Variants in WDR33 observed in about 807,000 individuals in gnomAD.
WDR33 encodes the protein pre-mRNA 3' end processing protein WDR33.
In WDR33, 47 loss-of-function variants were observed where a neutral mutation model predicts 164.9. That is an observed-to-expected ratio of 0.29 (90% CI 0.23 to 0.36). The LOEUF (loss-of-function observed/expected upper bound fraction) is 0.36, where lower values mean the gene tolerates loss of function less well. WDR33 is among the 10% of genes least tolerant of loss of function. The pLI, the probability that WDR33 is intolerant of heterozygous loss-of-function variation, is 1.00. For synonymous variants in WDR33, 505 were observed against 589.0 expected (o/e 0.86, Z 2.06); for missense variants, 1,137 against 1,754.1 (o/e 0.65, Z 6.28).
At chr2:127,730,060 G>A (rs1686665916) in intron 7 of WDR33, among the ~76,000 whole-genome samples, 1 of 152,080 alleles carries the variant, frequency 6.6e-6, no homozygotes, top group African/African-American at 2.4e-5. Flanking sequence ...TAGGTAGCTT[G>A]GGACACAAGG....
rs145850509 is a variant in WDR33 at position 127,723,037 on chromosome 2, G to A, written c.1299C>T (p.Leu433=). The change falls in exon 13 of 22, where the codon CTC becomes CTT. Residue 433 remains leucine, a synonymous_variant. Transcript: ENST00000322313. The surrounding 1 kb of genome is among the most constrained non-coding windows in gnomAD (Gnocchi z 5.9). ...GAATTACTGCCAGGCTATTAGGTTC[G>A]AGGTCATCTATAAATAGTAATACAC... ...MSEDGVEYDD[L]EPNSLAVIPG... 8.7e-6 allele frequency: 14 copies of A among 1,609,282 alleles called. No individual in the cohort carries two copies. Among genetic ancestry groups the A allele is most frequent in the African/African-American group, 8.0e-5 (6 of 74,656 alleles).
rs1276443689 is a variant in WDR33 at position 127,726,453 on chromosome 2, G to C, written c.851+198C>G. ...AAATTAAACTTAGGTCTATGTGGCA[G>C]GACAAAAACAAGCCTTACTTCATTA... On this transcript the variant is annotated intron_variant, in intron 8 of 21. Transcript: ENST00000322313. The surrounding 1 kb of genome is among the most constrained non-coding windows in gnomAD (Gnocchi z 4.8). Among the ~76,000 whole-genome samples the C allele has an allele frequency of 6.6e-6, 1 of 152,136 alleles. No homozygotes were observed. Among genetic ancestry groups the C allele is most frequent in the African/African-American group, 2.4e-5 (1 of 41,414 alleles).
intron 4 of WDR33, among the ~76,000 whole-genome samples, chr2:127,767,451 T>C (rs1479142766): frequency 6.6e-6 from 1 of 152,136 alleles, no homozygotes; most frequent in Non-Finnish European, 1.5e-5. Flanking sequence ...CGGTGGCTCA[T>C]GCCTGTAATC....
Position 127,701,844 on chromosome 2 carries a change from C to T in WDR33, c.*4479G>A. The stretch of plus-strand genomic sequence containing the variant: ...CGCACCGGTGTTGCTGCTGCGCGCG[C>T]GCAAGTTCGCGCTGCTCTGGTCACT... On this transcript the variant is annotated 3_prime_UTR_variant, in exon 22 of 22. Transcript: ENST00000322313. The T allele has an allele frequency of 6.9e-7, 1 of 1,458,726 alleles. No individual in the cohort carries two copies. Among genetic ancestry groups the T allele is most frequent in the Non-Finnish European group, 9.0e-7 (1 of 1,109,876 alleles). The allele number at this position is 1,458,726 out of a possible 1,614,324, so 90.4% of individuals were successfully genotyped here. A position where few individuals can be genotyped will look rare whatever the true frequency, so the allele number is the denominator to read the frequency against.
At chr2:127,707,229 T>TAA (rs200273049) in intron 21 of WDR33, among the ~76,000 whole-genome samples, 14,013 of 122,362 alleles carry the variant, frequency 0.11, 990 homozygotes, top group South Asian at 0.24. Context: ...AGAATATATT[T>TAA]AAAAAAAAAA....
rs1271063472 is a variant in WDR33, at chr2:127,704,207, G to A, written c.*2116C>T. 6.0e-6 allele frequency: 1 copy of A among 166,362 alleles called. No homozygotes were observed. The highest frequency in any genetic ancestry group is 1.9e-4 in the East Asian group (1 of 5,202). The allele number at this position is 166,362 out of a possible 1,614,324, so 10.3% of individuals were successfully genotyped here. On this transcript the variant is annotated 3_prime_UTR_variant, in exon 22 of 22. Coordinates refer to ENST00000322313, the MANE Select transcript of WDR33 (RefSeq NM_018383.5). The stretch of plus-strand genomic sequence containing the variant: ...AACATCTAGTATGTATGCTGACAGT[G>A]ATGTTTTTAAATGCCATATATATTT...
chr2:127,722,661 T>G lies in WDR33; in HGVS notation c.1448A>C (p.Gln483Pro). ...CTGAGGTACTTTTTTCTGATCCTTT[T>G]GCATCACTTCCTCCATTCCCCAATC... ...GLDWGMEEVMQKDQKKVPQKK... is the reference protein window; with the variant it reads ...GLDWGMEEVMPKDQKKVPQKK... Residue 483 changes from glutamine (Q) to proline (P), a missense_variant, in exon 14 of 22, where the codon CAA becomes CCA. Physicochemically the swap from Gln to Pro is moderately conservative, Grantham distance 76 (BLOSUM62 -1). Transcript: ENST00000322313. The surrounding 1 kb of genome is among the most constrained non-coding windows in gnomAD (Gnocchi z 5.1). 1 of 1,614,206 alleles carries G rather than the reference T, an allele frequency of 6.2e-7. No individual in the cohort carries two copies. The highest frequency in any genetic ancestry group is 1.1e-5 in the South Asian group (1 of 91,080).
chr2:127,770,496 C>A lies in WDR33; in HGVS notation c.204+282G>T, dbSNP rs1326934307. Among the ~76,000 whole-genome samples, 3 of 152,054 alleles carry A rather than the reference C, an allele frequency of 2.0e-5. No homozygotes were observed. The highest frequency in any genetic ancestry group is 7.2e-5 in the African/African-American group (3 of 41,412). ...CCTGAGGTTAGGAGTTTGAGACCAG[C>A]CTGGCCAACATGGTTGAAATTACGT... On this transcript the variant is annotated intron_variant, in intron 2 of 21. Transcript: ENST00000322313. This position sits in a 1 kb window ranked among gnomAD's most constrained non-coding sequence, Gnocchi z 4.9.
chr2:127,719,310 C>T lies in WDR33; in HGVS notation c.2715G>A (p.Gln905=), dbSNP rs116673021. ...PSQGPIPFQQ[Q]KTPLLGDGPR... The stretch of plus-strand genomic sequence containing the variant: ...GCCCATCACCTAGCAGAGGCGTTTT[C>T]TGTTGCTGGAATGGTATTGGCCCTT... Residue 905 remains glutamine (Q), a synonymous_variant, in exon 16 of 22, where the codon CAG becomes CAA. Coordinates refer to ENST00000322313, the MANE Select transcript of WDR33 (RefSeq NM_018383.5). The surrounding 1 kb of genome is among the most constrained non-coding windows in gnomAD (Gnocchi z 6.5). 6,813 of 1,442,274 alleles carry T rather than the reference C, an allele frequency of 4.7e-3. 18 individuals carry two copies. The highest frequency in any genetic ancestry group is 5.6e-3 in the Non-Finnish European group (6,095 of 1,094,092). The allele number at this position is 1,442,274 out of a possible 1,614,324, so 89.3% of individuals were successfully genotyped here.
chr2:127,788,151 G>A (rs1688669581), intron 1 of WDR33, among the ~76,000 whole-genome samples: 1 of 101,546 alleles, frequency 9.8e-6, no homozygotes, highest in Non-Finnish European at 2.0e-5. Flanking sequence ...CGGCCGGGCA[G>A]AGGCGCCCCT....
intron 1 of WDR33, among the ~76,000 whole-genome samples, chr2:127,794,361 G>T (rs1688950283): frequency 6.6e-6 from 1 of 151,244 alleles, no homozygotes; most frequent in East Asian, 2.0e-4. Context: ...TTAGCTGGGT[G>T]TGGTGGCAGG....
At chr2:127,762,816 A>G in intron 7 of WDR33, 1 of 1,298,604 alleles carries the variant, frequency 7.7e-7, no homozygotes, top group Non-Finnish European at 9.8e-7. Context: ...CAGATAAGCA[A>G]GTAAGGGGGA....
chr2:127,701,640 C>A lies in WDR33; in HGVS notation c.*4683G>T. On this transcript the variant is annotated 3_prime_UTR_variant, in exon 22 of 22. Transcript: ENST00000322313. Reference sequence around the variant, plus strand: ...GGAGAAGGCGGAGGAGCCCGGGGACCGGCCGGCGGAGGAGTGGCTGGGCCG... The same window carrying A: ...GGAGAAGGCGGAGGAGCCCGGGGACAGGCCGGCGGAGGAGTGGCTGGGCCG... 1.5e-6 allele frequency: 2 copies of A among 1,307,868 alleles called. No individual in the cohort carries two copies. Among genetic ancestry groups the A allele is most frequent in the Non-Finnish European group, 1.9e-6 (2 of 1,033,254 alleles). 81.0% of individuals were successfully genotyped at this position (1,307,868 alleles called of 1,614,324 possible). A position where few individuals can be genotyped will look rare whatever the true frequency, so the allele number is the denominator to read the frequency against.
At chr2:127,730,626 G>A (rs1185781385) in intron 7 of WDR33, among the ~76,000 whole-genome samples, 1 of 151,850 alleles carries the variant, frequency 6.6e-6, no homozygotes, top group East Asian at 1.9e-4. Context: ...ATGAAATAAT[G>A]TGAACTAAAA....
intron 1 of WDR33, among the ~76,000 whole-genome samples, chr2:127,798,241 G>C (rs1270697746): frequency 6.6e-6 from 1 of 151,442 alleles, no homozygotes; most frequent in East Asian, 2.0e-4. Flanking sequence ...GGTGGCACAT[G>C]CCTGTAATCC....
In WDR33 at chr2:127,708,648, T is replaced by C. The variant is rs760989393; in HGVS notation, c.3781+29A>G. The C allele has an allele frequency of 6.4e-6, 10 of 1,551,052 alleles. No individual in the cohort carries two copies. The highest frequency in any genetic ancestry group is 8.7e-6 in the Non-Finnish European group (10 of 1,147,410). On this transcript the variant is annotated intron_variant, in intron 21 of 21. Transcript: ENST00000322313. The surrounding 1 kb of genome is among the most constrained non-coding windows in gnomAD (Gnocchi z 6.7). ...GGCCTCCATCGGCCCCTGCATCTCC[T>C]GGAACCATAACCACTGGCCTGCTCT...
At chr2:127,779,506 C>T (rs116325596) in intron 1 of WDR33, among the ~76,000 whole-genome samples, 1,719 of 152,152 alleles carry the variant, frequency 0.011, 20 homozygotes, top group Non-Finnish European at 0.017. Context: ...GATAGAACTG[C>T]GCATTTGAAA....
In WDR33 at chr2:127,770,169, T is replaced by C. The variant is rs10203820; in HGVS notation, c.204+609A>G. Reference sequence around the variant, plus strand: ...AAGTGTTTTAAGACTGGCCTAGCGATTAAAGTACTCCCTTCTAATTTGTGA... The same window carrying C: ...AAGTGTTTTAAGACTGGCCTAGCGACTAAAGTACTCCCTTCTAATTTGTGA... On this transcript the variant is annotated intron_variant, in intron 2 of 21. Transcript: ENST00000322313. The surrounding 1 kb of genome is among the most constrained non-coding windows in gnomAD (Gnocchi z 4.9). 0.021 allele frequency among the ~76,000 whole-genome samples: 3,247 copies of C among 152,342 alleles called. 126 individuals are homozygous for C. The highest frequency in any genetic ancestry group is 0.075 in the African/African-American group (3,120 of 41,572).
Position 127,713,454 on chromosome 2 carries a change from TAC to T in WDR33, c.3308+127_3308+128del. On this transcript the variant is annotated intron_variant, in intron 18 of 21. Coordinates refer to ENST00000322313, the MANE Select transcript of WDR33 (RefSeq NM_018383.5). This position sits in a 1 kb window ranked among gnomAD's most constrained non-coding sequence, Gnocchi z 6.2. ...TTTTTAAACGTCCAAATGCAAACTCTACAGAGTGCAGGGCTGGTAATTGATAT... is the reference window on the plus strand; with the variant it reads ...TTTTTAAACGTCCAAATGCAAACTCTAGAGTGCAGGGCTGGTAATTGATAT... The T allele has an allele frequency of 9.2e-7, 1 of 1,083,852 alleles. No individual in the cohort carries two copies. The highest frequency in any genetic ancestry group is 1.3e-6 in the Non-Finnish European group (1 of 746,348). 67.1% of individuals were successfully genotyped at this position (1,083,852 alleles called of 1,614,324 possible).
Sources: gnomAD v4.1 joint callset for allele counts (sites outside exome capture counted in the v4.1 genomes callset) on GRCh38, gnomAD v4.1.1 for gene constraint, Gnocchi (gnomAD v3.1) non-coding constraint, MANE v1.5 for transcripts, NCBI Gene and HGNC (gene_info 2026-07-23, HGNC 2026-07-21) for gene names.